The following METTL15 variants were observed in gnomAD, a reference collection of about 807,000 sequenced individuals.
METTL15 encodes methyltransferase 15, mitochondrial 12S rRNA N4-cytidine, also known as 12S rRNA N(4)-cytidine methyltransferase METTL15.
In METTL15, 34 loss-of-function variants were observed where a neutral mutation model predicts 38.3. The observed-to-expected ratio is 0.89, with a 90% CI of 0.68 to 1.18. The LOEUF is 1.18. METTL15 is among the 50% of genes most tolerant of loss of function. The pLI, the probability that METTL15 is intolerant of heterozygous loss-of-function variation, is 0.00. For synonymous variants in METTL15, 162 were observed against 170.9 expected, an observed-to-expected ratio of 0.95 and a Z score of 0.41; for missense variants, 438 against 498.4, an observed-to-expected ratio of 0.88 and a Z score of 1.15.
chr11:28,134,601 AG>A (rs1430177949), intron 3 of METTL15: 1 of 398,440 alleles, frequency 2.5e-6, no homozygotes, highest in African/African-American at 2.1e-5. Flanking sequence ...TCCTGCTGAC[AG>A]GAGGCGCTGT....
At chr11:28,218,533 A>C (rs1286842032) in intron 4 of METTL15, among the ~76,000 whole-genome samples, 1 of 152,126 alleles carries the variant, frequency 6.6e-6, no homozygotes, top group Admixed American at 6.6e-5. Flanking sequence ...CTGTTTTCCT[A>C]ATTGAATACC....
intron 5 of METTL15, among the ~76,000 whole-genome samples, chr11:28,291,828 G>A (rs1290372757): frequency 5.9e-5 from 9 of 152,118 alleles, no homozygotes; most frequent in African/African-American, 2.2e-4. Flanking sequence ...ATCCCATATT[G>A]TTAGTTTAAA....
chr11:28,475,805 C>A (rs1851341753), intron 6 of METTL15, among the ~76,000 whole-genome samples: 1 of 152,088 alleles, frequency 6.6e-6, no homozygotes, highest in Non-Finnish European at 1.5e-5. Flanking sequence ...ACTCAGTTAC[C>A]CTCTTTTTAC....
chr11:28,371,532 T>A (rs1253470643), intron 5 of METTL15, among the ~76,000 whole-genome samples: 1 of 152,012 alleles, frequency 6.6e-6, no homozygotes, highest in African/African-American at 2.4e-5. Context: ...TTCCGTATAC[T>A]TTTTTAGGAA....
chr11:28,409,168 G>C (rs1850702449), intron 5 of METTL15, among the ~76,000 whole-genome samples: 1 of 151,880 alleles, frequency 6.6e-6, no homozygotes, highest in Non-Finnish European at 1.5e-5. Flanking sequence ...GGATCACGAG[G>C]TCTGGAGATC....
chr11:28,171,127 C>G (rs1273936707), intron 3 of METTL15, among the ~76,000 whole-genome samples: 1 of 152,138 alleles, frequency 6.6e-6, no homozygotes, highest in African/African-American at 2.4e-5. Context: ...GTTGACATCT[C>G]TCATCTTTGT....
In METTL15 at chr11:28,234,408, T is replaced by G. The variant is rs1258272375; in HGVS notation, c.407+23210T>G. On this transcript the variant is annotated intron_variant, in intron 4 of 6. Transcript: ENST00000407364. ...GACTTCCAAAATGGTTGAACTAGTT[T>G]ACAGTCCCACCAACAGTGTAAAAGT... 1.8e-4 allele frequency among the ~76,000 whole-genome samples: 28 copies of G among 151,584 alleles called. No individual in the cohort carries two copies. In the South Asian group the frequency reaches 5.0e-3, roughly 27 times the overall value.
At chr11:28,216,953 G>C (rs543193860) in intron 4 of METTL15, among the ~76,000 whole-genome samples, 49 of 151,834 alleles carry the variant, frequency 3.2e-4, no homozygotes, top group East Asian at 2.1e-3. Context: ...TCTTAATCCA[G>C]TCTATCATTG....
chr11:28,243,214 G>C (rs1854373822), intron 4 of METTL15, among the ~76,000 whole-genome samples: 1 of 152,094 alleles, frequency 6.6e-6, no homozygotes, highest in Admixed American at 6.6e-5. Flanking sequence ...TGCCGTCATT[G>C]ATGTAAGTTT....
At chr11:28,371,293 C>G (rs1850240863) in intron 5 of METTL15, among the ~76,000 whole-genome samples, 1 of 152,008 alleles carries the variant, frequency 6.6e-6, no homozygotes, top group African/African-American at 2.4e-5. Context: ...TATCCTTTCA[C>G]TATTGTATGT....
chr11:28,273,106 A>G (rs999285193), intron 4 of METTL15, among the ~76,000 whole-genome samples: 1 of 152,174 alleles, frequency 6.6e-6, no homozygotes, highest in Non-Finnish European at 1.5e-5. Flanking sequence ...ATAAAGTAGT[A>G]TACTAGTATT....
intron 6 of METTL15, among the ~76,000 whole-genome samples, chr11:28,494,156 C>A (rs1230123065): frequency 6.6e-6 from 1 of 152,102 alleles, no homozygotes; most frequent in Non-Finnish European, 1.5e-5. Context: ...TGGGTGAGAG[C>A]AGTAATGTCC....
chr11:28,356,316 T>G (rs767544842), intron 4 of METTL15, among the ~76,000 whole-genome samples: 4 of 152,256 alleles, frequency 2.6e-5, no homozygotes, highest in Non-Finnish European at 5.9e-5. Context: ...TTGTTGATCT[T>G]GTTTACCTAC....
At chr11:28,513,582 G>T (rs184779705) in intron 6 of METTL15, among the ~76,000 whole-genome samples, 1 of 152,308 alleles carries the variant, frequency 6.6e-6, no homozygotes, top group African/African-American at 2.4e-5. Context: ...GAGGTGTAAA[G>T]TGGGAAATCA....
At chr11:28,460,409 A>T (rs553234634) in intron 6 of METTL15, among the ~76,000 whole-genome samples, 2 of 152,210 alleles carry the variant, frequency 1.3e-5, no homozygotes, top group East Asian at 1.9e-4. Flanking sequence ...GAGGTATCCA[A>T]ATTGGGCCTA....
chr11:28,110,221 A>G lies in METTL15; in HGVS notation c.-198A>G, dbSNP rs956656232. ...GACCCTTTGGCAGCTGAGGCTGGAA[A>G]CAGCGGAACCAAAGGCAGACGGTCC... On this transcript the variant is annotated 5_prime_UTR_variant, in exon 2 of 7. Coordinates refer to ENST00000407364, the MANE Select transcript of METTL15 (RefSeq NM_001113528.2). 4 of 152,252 alleles carry G rather than the reference A, an allele frequency of 2.6e-5. No homozygotes were observed. Among genetic ancestry groups the G allele is most frequent in the African/African-American group, 9.6e-5 (4 of 41,456 alleles). The allele number at this position is 152,252 out of a possible 1,614,324, so 9.4% of individuals were successfully genotyped here.
intron 6 of METTL15, among the ~76,000 whole-genome samples, chr11:28,430,142 G>C (rs1182510375): frequency 6.6e-6 from 1 of 151,654 alleles, no homozygotes; most frequent in African/African-American, 2.4e-5. Flanking sequence ...TCTGAGAAGT[G>C]AGGAGCCCCT....
intron 3 of METTL15, among the ~76,000 whole-genome samples, chr11:28,163,074 T>A (rs1362917414): frequency 1.3e-5 from 2 of 152,066 alleles, no homozygotes; most frequent in Non-Finnish European, 2.9e-5. Flanking sequence ...CAATAGAATT[T>A]GTTGAAAATA....
intron 3 of METTL15, among the ~76,000 whole-genome samples, chr11:28,133,737 T>C (rs1279985926): frequency 6.6e-6 from 1 of 152,140 alleles, no homozygotes; most frequent in East Asian, 1.9e-4. Context: ...ACCCAGTGGT[T>C]GAGCAGTCTT....
Sources: allele counts gnomAD v4.1 joint callset (sites outside exome capture counted in the v4.1 genomes callset), GRCh38; gene constraint gnomAD v4.1.1; transcripts MANE v1.5; gene names NCBI Gene and HGNC (gene_info 2026-07-23, HGNC 2026-07-21).